CHD9: variants seen among roughly 807,000 people sequenced by gnomAD.
CHD9 encodes chromodomain helicase DNA binding protein 9.
Under a neutral mutation model 316.1 loss-of-function variants are expected in CHD9, and 77 were observed. That is an observed-to-expected ratio of 0.24 (90% CI 0.20 to 0.29). The LOEUF is 0.29. Among genes scored for constraint, CHD9 ranks in the 10% least tolerant of loss-of-function variants. The pLI, the probability that CHD9 is intolerant of heterozygous loss-of-function variation, is 1.00. For missense variants in CHD9, 2,763 were observed against 3,438.1 expected, an observed-to-expected ratio of 0.80 and a Z score of 4.91; for synonymous variants, 1,129 against 1,158.3, an observed-to-expected ratio of 0.97 and a Z score of 0.51.
At chr16:53,221,494 G>A (rs529311739) in intron 3 of CHD9, among the ~76,000 whole-genome samples, 12 of 152,162 alleles carry the variant, frequency 7.9e-5, no homozygotes, top group South Asian at 2.1e-4. Context: ...AAAATAGTAC[G>A]TTGCTGATTA....
At chr16:53,204,134 G>A (rs926924918) in intron 2 of CHD9, among the ~76,000 whole-genome samples, 2 of 150,350 alleles carry the variant, frequency 1.3e-5, no homozygotes, top group South Asian at 4.2e-4. Context: ...GTGTGTGTGT[G>A]TGTGTGTGTG....
chr16:53,077,792 G>A (rs2034672382), intron 1 of CHD9, among the ~76,000 whole-genome samples: 1 of 152,130 alleles, frequency 6.6e-6, no homozygotes, highest in East Asian at 1.9e-4. Context: ...TATGCAATGC[G>A]ACCCAGTGCA....
rs2051518590 is a variant in CHD9, at chr16:53,265,064, G to A, written c.4320+1967G>A. Among the ~76,000 whole-genome samples the A allele has an allele frequency of 2.6e-5, 4 of 152,104 alleles. No homozygotes were observed. In the South Asian group the frequency reaches 8.3e-4, roughly 32 times the overall value. ...AAAAATTAAGGACTTTTCTGAAAAT[G>A]TACAATAAAGACTAACATTACTGTA... On this transcript the variant is annotated intron_variant, in intron 20 of 38. Transcript: ENST00000447540.
In CHD9 at chr16:53,084,608, T is replaced by A. The variant is rs2035306776; in HGVS notation, c.-165+29531T>A. Among the ~76,000 whole-genome samples the A allele has an allele frequency of 2.6e-5, 4 of 152,100 alleles. No homozygotes were observed. In the South Asian group the frequency reaches 8.3e-4, roughly 32 times the overall value. On this transcript the variant is annotated intron_variant, in intron 1 of 38. Transcript: ENST00000447540. ...AATACAAAAAATTAGCCGGGCGTGG[T>A]GGTAGGCGCCTGTAGTCCCAGCTAC...
chr16:53,301,326 G>A (rs888437428), intron 30 of CHD9, among the ~76,000 whole-genome samples: 3 of 152,068 alleles, frequency 2.0e-5, no homozygotes, highest in African/African-American at 2.4e-5. Flanking sequence ...AACTCAGAGC[G>A]TTTCTCAAAT....
At chr16:53,096,048 C>T (rs1423502059) in intron 1 of CHD9, among the ~76,000 whole-genome samples, 1 of 150,534 alleles carries the variant, frequency 6.6e-6, no homozygotes, top group Non-Finnish European at 1.5e-5. Context: ...TGCAAGGGGA[C>T]TGTGAAGATT....
At chr16:53,300,168 G>A (rs1182468914) in intron 30 of CHD9, among the ~76,000 whole-genome samples, 2 of 151,968 alleles carry the variant, frequency 1.3e-5, no homozygotes, top group African/African-American at 2.4e-5. Flanking sequence ...CCTGGCCAAC[G>A]TGGCGAAACC....
At chr16:53,152,344 G>T (rs144590549) in intron 1 of CHD9, among the ~76,000 whole-genome samples, 1 of 152,106 alleles carries the variant, frequency 6.6e-6, no homozygotes. Flanking sequence ...GATAAAGTTG[G>T]TTCTGACACT....
chr16:53,160,929 T>G (rs2041864463), intron 2 of CHD9, among the ~76,000 whole-genome samples: 1 of 151,760 alleles, frequency 6.6e-6, no homozygotes, highest in Non-Finnish European at 1.5e-5. Flanking sequence ...GAAAAGAAAG[T>G]CTGTTCTCGA....
Position 53,324,035 on chromosome 16 carries a change from A to G in CHD9, c.7834A>G (p.Ser2612Gly). ...TTTCTTCCAGGGATTTCTTCCAGAAAGCATGTATGAACGTATTCTCACTGG... is the reference window on the plus strand; with the variant it reads ...TTTCTTCCAGGGATTTCTTCCAGAAGGCATGTATGAACGTATTCTCACTGG... ...VVKQSGFLPE[S>G]MYERILTGPV... Residue 2612 changes from serine to glycine, a missense_variant, in exon 39 of 39, where the codon AGC becomes GGC. Physicochemically the swap from Ser to Gly is moderately conservative, Grantham distance 56. Coordinates refer to ENST00000447540, the MANE Select transcript of CHD9 (RefSeq NM_001308319.2). 1 of 1,602,596 alleles carries G rather than the reference A, an allele frequency of 6.2e-7. No homozygotes were observed. The highest frequency in any genetic ancestry group is 8.5e-7 in the Non-Finnish European group (1 of 1,171,300).
At chr16:53,131,812 G>A (rs947464003) in intron 1 of CHD9, among the ~76,000 whole-genome samples, 1 of 152,174 alleles carries the variant, frequency 6.6e-6, no homozygotes, top group Non-Finnish European at 1.5e-5. Context: ...CGCTTTCCCA[G>A]GCCTTGCCTC....
At chr16:53,191,379 T>C (rs1291195218) in intron 2 of CHD9, among the ~76,000 whole-genome samples, 1 of 152,160 alleles carries the variant, frequency 6.6e-6, no homozygotes, top group Non-Finnish European at 1.5e-5. Context: ...TATAAGTAGC[T>C]ACACCAGTAA....
At chr16:53,292,709 T>G (rs770994322) in intron 28 of CHD9, 124 bp from the exon 29 acceptor site, 5 of 719,926 alleles carry the variant, frequency 6.9e-6, no homozygotes, top group Non-Finnish European at 1.2e-5. Flanking sequence ...GCTTTTAGGA[T>G]GAGAAATATG....
At chr16:53,300,091 C>T (rs2055213568) in intron 30 of CHD9, among the ~76,000 whole-genome samples, 1 of 152,202 alleles carries the variant, frequency 6.6e-6, no homozygotes, top group African/African-American at 2.4e-5. Flanking sequence ...CAGTGGCTCA[C>T]GCCTGTAATC....
At chr16:53,065,085 CTCTT>C (rs1185704466) in intron 1 of CHD9, among the ~76,000 whole-genome samples, 2 of 152,224 alleles carry the variant, frequency 1.3e-5, no homozygotes, top group African/African-American at 2.4e-5. Flanking sequence ...TGTCAGCACA[CTCTT>C]TCTCCTGTGG....
intron 36 of CHD9, among the ~76,000 whole-genome samples, chr16:53,317,063 G>A (rs1479897793): frequency 1.3e-5 from 2 of 151,748 alleles, no homozygotes; most frequent in Non-Finnish European, 2.9e-5. Context: ...GGGCATGGTG[G>A]CGGGTGCCTG....
At chr16:53,151,394 C>T (rs921033580) in intron 1 of CHD9, among the ~76,000 whole-genome samples, 2 of 151,858 alleles carry the variant, frequency 1.3e-5, no homozygotes, top group South Asian at 4.2e-4. Context: ...GCTGGGATTA[C>T]AGGCGCCTGC....
At chr16:53,192,277 G>T (rs1012072242) in intron 2 of CHD9, among the ~76,000 whole-genome samples, 2 of 152,188 alleles carry the variant, frequency 1.3e-5, no homozygotes, top group Admixed American at 6.5e-5. Context: ...CCTGAAAACA[G>T]ATGAGTGAAG....
At chr16:53,243,666 G>GCCCCTCTAC (rs1441214582) in intron 13 of CHD9, among the ~76,000 whole-genome samples, 3 of 152,162 alleles carry the variant, frequency 2.0e-5, no homozygotes, top group African/African-American at 7.2e-5. Flanking sequence ...TTAATAAAAA[G>GCCCCTCTAC]CCCCTCTACC....
Sources: allele counts gnomAD v4.1 joint callset (sites outside exome capture counted in the v4.1 genomes callset), GRCh38; gene constraint gnomAD v4.1.1; transcripts MANE v1.5; gene names NCBI Gene and HGNC (gene_info 2026-07-23, HGNC 2026-07-21).